RAB33A: variants seen among roughly 807,000 people sequenced by gnomAD.
RAB33A encodes RAB33A, member RAS oncogene family, also known as ras-related protein Rab-33A.
A neutral mutation model predicts 12.0 loss-of-function variants in RAB33A; 6 were observed. The observed-to-expected ratio is 0.50, with a 90% confidence interval of 0.27 to 0.99. The LOEUF is 0.99. Ranked by LOEUF, RAB33A falls within the 50% of genes least tolerant of loss-of-function variation. The pLI is 0.11. For synonymous variants in RAB33A, 70 were observed against 82.4 expected, an observed-to-expected ratio of 0.85 and a Z score of 0.81; for missense variants, 109 against 192.0, an observed-to-expected ratio of 0.57 and a Z score of 2.55.
the RAB33A span, among the ~76,000 whole-genome samples, chrX:130,138,390 G>A: frequency 1.8e-5 from 2 of 111,266 alleles, no homozygotes; most frequent in Non-Finnish European, 3.8e-5. Context: ...GCCTGAACCC[G>A]GGAAGCGGAG....
the RAB33A span, among the ~76,000 whole-genome samples, chrX:130,151,536 G>A: frequency 8.9e-6 from 1 of 111,933 alleles, no homozygotes; most frequent in South Asian, 3.7e-4. Context: ...TGAGAGCTGG[G>A]TTCAACCTGG....
upstream of RAB33A, among the ~76,000 whole-genome samples, chrX:130,169,984 C>T (rs2124684425): frequency 8.9e-6 from 1 of 111,836 alleles, no homozygotes; most frequent in East Asian, 2.8e-4. Flanking sequence ...CTAATCAAAA[C>T]CAAAAATACT....
chrX:130,151,799 G>A, the RAB33A span, among the ~76,000 whole-genome samples: 83 of 111,912 alleles, frequency 7.4e-4, no homozygotes, highest in South Asian at 0.028. Flanking sequence ...CCAGCACTTT[G>A]GGAGGCCAAG....
chrX:130,122,290 G>T, the RAB33A span, among the ~76,000 whole-genome samples: 1 of 112,899 alleles, frequency 8.9e-6, no homozygotes, highest in African/African-American at 3.2e-5. Context: ...CCAGGCCAGG[G>T]AAGGCTTCAA....
At chrX:130,130,259 C>T in the RAB33A span, 14 of 1,014,264 alleles carry the variant, frequency 1.4e-5, no homozygotes, top group South Asian at 5.8e-5. Flanking sequence ...AACAGTCTTT[C>T]GAGGCCTGCT....
At chrX:130,122,116 G>A in the RAB33A span, among the ~76,000 whole-genome samples, 1 of 112,114 alleles carries the variant, frequency 8.9e-6, no homozygotes, top group South Asian at 3.7e-4. Flanking sequence ...GGAGGCCCAG[G>A]AGTCCGGGTT....
intron 1 of RAB33A, among the ~76,000 whole-genome samples, chrX:130,183,271 T>A (rs1464459229): frequency 9.3e-6 from 1 of 107,799 alleles, no homozygotes; most frequent in Non-Finnish European, 1.9e-5. Context: ...TTTCCTGTTT[T>A]AAAAAAATTC....
the RAB33A span, among the ~76,000 whole-genome samples, chrX:130,146,870 A>C: frequency 8.9e-6 from 1 of 112,282 alleles, no homozygotes; most frequent in African/African-American, 3.2e-5. Flanking sequence ...GGCAAGTATA[A>C]AGAAGTGATG....
the RAB33A span, among the ~76,000 whole-genome samples, chrX:130,165,350 A>C: frequency 8.9e-6 from 1 of 112,148 alleles, no homozygotes; most frequent in African/African-American, 3.2e-5. Flanking sequence ...TACTGGGTTC[A>C]AATCTCTTGA....
chrX:130,149,889 A>G, the RAB33A span, among the ~76,000 whole-genome samples: 2 of 112,331 alleles, frequency 1.8e-5, no homozygotes, highest in Non-Finnish European at 3.8e-5. Context: ...TAGAAGAATA[A>G]AGTGCTAGAA....
At chrX:130,112,570 C>G in the RAB33A span, among the ~76,000 whole-genome samples, 3 of 111,940 alleles carry the variant, frequency 2.7e-5, no homozygotes, top group East Asian at 8.4e-4. Flanking sequence ...TAAAACAGAA[C>G]AAAAACAAAA....
At chrX:130,170,431 G>A (rs566544772), upstream of RAB33A, among the ~76,000 whole-genome samples, 2 of 112,621 alleles carry the variant, frequency 1.8e-5, no homozygotes, top group South Asian at 7.3e-4. Context: ...CTAGTGACAT[G>A]TGTCAGTGTT....
intron 1 of RAB33A, among the ~76,000 whole-genome samples, chrX:130,177,163 T>C (rs1411900646): frequency 8.9e-6 from 1 of 112,108 alleles, no homozygotes; most frequent in African/African-American, 3.2e-5. Flanking sequence ...TATTCCTCTC[T>C]CCACCCCCTC....
At chrX:130,165,320 G>A in the RAB33A span, among the ~76,000 whole-genome samples, 2 of 111,879 alleles carry the variant, frequency 1.8e-5, no homozygotes, top group Non-Finnish European at 3.8e-5. Context: ...AACGCTCCCG[G>A]GAAAAGGCCT....
chrX:130,127,507 C>T, the RAB33A span, among the ~76,000 whole-genome samples: 3 of 110,467 alleles, frequency 2.7e-5, no homozygotes, highest in Admixed American at 2.9e-4. Flanking sequence ...ACATACTATA[C>T]AAGGATAACT....
the RAB33A span, among the ~76,000 whole-genome samples, chrX:130,141,455 A>G: frequency 8.9e-6 from 1 of 112,057 alleles, no homozygotes; most frequent in African/African-American, 3.2e-5. Flanking sequence ...AGTCTCCTAC[A>G]TCTACAACAT....
At chrX:130,144,916 G>A in the RAB33A span, among the ~76,000 whole-genome samples, 9 of 111,905 alleles carry the variant, frequency 8.0e-5, no homozygotes, top group Non-Finnish European at 1.7e-4. Flanking sequence ...CACTTATGCT[G>A]TGTATCTCAT....
chrX:130,146,945 A>G, the RAB33A span, among the ~76,000 whole-genome samples: 2 of 112,232 alleles, frequency 1.8e-5, no homozygotes, highest in African/African-American at 6.5e-5. Context: ...GCGGATCATG[A>G]GGTCAGGAGA....
chrX:130,180,145 G>A (rs780208094), intron 1 of RAB33A, among the ~76,000 whole-genome samples: 3 of 111,178 alleles, frequency 2.7e-5, no homozygotes, highest in Admixed American at 1.9e-4. Context: ...AGGTGTAGCT[G>A]AGTAGTTTGA....
Sources: gnomAD v4.1 joint callset for allele counts (sites outside exome capture counted in the v4.1 genomes callset) on GRCh38, gnomAD v4.1.1 for gene constraint, MANE v1.5 for transcripts, NCBI Gene and HGNC (gene_info 2026-07-23, HGNC 2026-07-21) for gene names.